Variants in OLFM3 observed in about 807,000 individuals in gnomAD.
OLFM3 encodes the protein olfactomedin 3.
Under a neutral mutation model 48.6 loss-of-function variants are expected in OLFM3, and 20 were observed. The ratio of observed to expected loss-of-function variants is 0.41; its 90% CI spans 0.29 to 0.60. OLFM3 has a LOEUF of 0.60. OLFM3 is among the 20% of genes least tolerant of loss of function. The pLI, the probability that OLFM3 is intolerant of heterozygous loss-of-function variation, is 0.28. For missense variants in OLFM3, 437 were observed against 544.3 expected (o/e 0.80, Z 1.96); for synonymous variants, 222 against 198.1 (o/e 1.12, Z -1.01).
intron 1 of OLFM3, among the ~76,000 whole-genome samples, chr1:101,956,086 G>GTTTTTTTTTTTTGTT (rs1660284102): frequency 9.5e-6 from 1 of 105,054 alleles, no homozygotes; most frequent in African/African-American, 3.9e-5. Flanking sequence ...ACAATAACAG[G>GTTTTTTTTTTTTGTT]TTTTTTTTTT....
chr1:101,969,910 A>G (rs1423441216), intron 1 of OLFM3, among the ~76,000 whole-genome samples: 1 of 152,162 alleles, frequency 6.6e-6, no homozygotes, highest in Non-Finnish European at 1.5e-5. Flanking sequence ...AGCATCTTAT[A>G]CCAACCAGCA....
intron 4 of OLFM3, among the ~76,000 whole-genome samples, chr1:101,822,421 G>A (rs779494138): frequency 6.6e-5 from 10 of 152,024 alleles, no homozygotes; most frequent in Non-Finnish European, 1.3e-4. Flanking sequence ...AGCAGATGCC[G>A]GCTCACTACA....
At chr1:101,979,556 C>T (rs1661048322) in intron 1 of OLFM3, among the ~76,000 whole-genome samples, 1 of 152,204 alleles carries the variant, frequency 6.6e-6, no homozygotes. Context: ...TTCTTCTTTG[C>T]CTTCCACCAT....
chr1:101,964,593 A>C (rs763717358), intron 1 of OLFM3, among the ~76,000 whole-genome samples: 6 of 152,186 alleles, frequency 3.9e-5, no homozygotes, highest in Non-Finnish European at 8.8e-5. Flanking sequence ...TTTACTTTCT[A>C]AACTTTATTT....
intron 1 of OLFM3, among the ~76,000 whole-genome samples, chr1:101,870,135 T>C (rs1041389126): frequency 6.6e-6 from 1 of 152,178 alleles, no homozygotes; most frequent in South Asian, 2.1e-4. Context: ...ATAGATAGCA[T>C]GTAGTTGATG....
At chr1:101,846,889 A>C (rs1656021567) in intron 1 of OLFM3, 1 of 1,612,706 alleles carries the variant, frequency 6.2e-7, no homozygotes, top group African/African-American at 1.3e-5. Flanking sequence ...AGTCCCACCA[A>C]GGATGGGAGA....
intron 1 of OLFM3, among the ~76,000 whole-genome samples, chr1:101,846,646 A>G (rs539122205): frequency 1.4e-4 from 21 of 152,208 alleles, no homozygotes; most frequent in Admixed American, 7.2e-4. Flanking sequence ...TTCATAGCTC[A>G]TTTCTCAAGC....
intron 1 of OLFM3, among the ~76,000 whole-genome samples, chr1:101,950,699 C>CA (rs769462087): frequency 1.3e-5 from 2 of 152,118 alleles, no homozygotes; most frequent in Non-Finnish European, 2.9e-5. Context: ...CCGCCTCGGC[C>CA]TCCCAAAGTG....
intron 1 of OLFM3, among the ~76,000 whole-genome samples, chr1:101,952,646 A>G (rs1660178410): frequency 6.6e-6 from 1 of 152,120 alleles, no homozygotes; most frequent in South Asian, 2.1e-4. Context: ...TAAAAATATT[A>G]TCTAAAAATA....
At chr1:101,964,627 G>T (rs1660559709) in intron 1 of OLFM3, among the ~76,000 whole-genome samples, 1 of 152,040 alleles carries the variant, frequency 6.6e-6, no homozygotes, top group Non-Finnish European at 1.5e-5. Context: ...AGAAATTATT[G>T]TTTAAACTAT....
intron 1 of OLFM3, among the ~76,000 whole-genome samples, chr1:101,957,893 C>G (rs1250405194): frequency 6.6e-6 from 1 of 151,998 alleles, no homozygotes; most frequent in African/African-American, 2.4e-5. Flanking sequence ...GAAAATATCC[C>G]AAGGGATAGG....
intron 4 of OLFM3, among the ~76,000 whole-genome samples, chr1:101,806,969 A>G (rs1653806190): frequency 6.6e-6 from 1 of 151,864 alleles, no homozygotes; most frequent in Admixed American, 6.6e-5. Flanking sequence ...TTCCAAAGCC[A>G]AAACCAAACA....
At chr1:101,840,839 A>G (rs991492103) in intron 1 of OLFM3, among the ~76,000 whole-genome samples, 3 of 152,224 alleles carry the variant, frequency 2.0e-5, no homozygotes, top group African/African-American at 7.2e-5. Flanking sequence ...TGTGAAGCTC[A>G]GTGCTTAGAC....
intron 4 of OLFM3, among the ~76,000 whole-genome samples, chr1:101,814,808 AT>A (rs941013259): frequency 2.0e-5 from 3 of 152,238 alleles, no homozygotes; most frequent in Admixed American, 1.3e-4. Context: ...TAAATAAAAA[AT>A]ATGGCTACAT....
chr1:101,935,196 T>C (rs1659572257), intron 1 of OLFM3, among the ~76,000 whole-genome samples: 1 of 151,422 alleles, frequency 6.6e-6, no homozygotes, highest in Admixed American at 6.6e-5. Flanking sequence ...GTTTGTTTTT[T>C]GAAAGAATAA....
At chr1:101,878,301 A>G (rs1657381819) in intron 1 of OLFM3, among the ~76,000 whole-genome samples, 1 of 151,882 alleles carries the variant, frequency 6.6e-6, no homozygotes, top group Admixed American at 6.6e-5. Flanking sequence ...GTAGACAATG[A>G]TGGTGCAGCA....
chr1:101,815,441 C>T (rs367582521), intron 4 of OLFM3, among the ~76,000 whole-genome samples: 4 of 132,902 alleles, frequency 3.0e-5, no homozygotes, highest in African/African-American at 5.9e-5. Flanking sequence ...AACAAGACTC[C>T]GTCTCAAAAA....
At chr1:101,904,132 T>C (rs1370812302) in intron 1 of OLFM3, among the ~76,000 whole-genome samples, 1 of 152,076 alleles carries the variant, frequency 6.6e-6, no homozygotes, top group Non-Finnish European at 1.5e-5. Context: ...GTCATCCTTA[T>C]AGTTTGCCAA....
At chr1:101,946,683 A>G (rs891165895) in intron 1 of OLFM3, among the ~76,000 whole-genome samples, 13 of 152,190 alleles carry the variant, frequency 8.5e-5, no homozygotes, top group Non-Finnish European at 1.2e-4. Context: ...GGCACTGCCA[A>G]TAATGAAGAA....
Sources: allele counts gnomAD v4.1 joint callset (sites outside exome capture counted in the v4.1 genomes callset), GRCh38; gene constraint gnomAD v4.1.1; transcripts MANE v1.5; gene names NCBI Gene and HGNC (gene_info 2026-07-23, HGNC 2026-07-21).